BACE2: variants seen among roughly 807,000 people sequenced by gnomAD.
The protein encoded by BACE2 is 56 kDa aspartic-like protease.
Under a neutral mutation model 46.2 loss-of-function variants are expected in BACE2, and 17 were observed. The ratio of observed to expected loss-of-function variants is 0.37; its 90% CI spans 0.25 to 0.55. The LOEUF is 0.55. Ranked by LOEUF, BACE2 falls within the 20% of genes least tolerant of loss-of-function variation. The probability of loss-of-function intolerance (pLI) is 0.82; values close to 1 mark genes in which losing one functional copy is unlikely to be tolerated. For missense variants in BACE2, 595 were observed against 698.1 expected, an observed-to-expected ratio of 0.85 and a Z score of 1.66; for synonymous variants, 277 against 295.9, an observed-to-expected ratio of 0.94 and a Z score of 0.66.
At chr21:41,250,171 C>G (rs980325115) in intron 6 of BACE2, among the ~76,000 whole-genome samples, 2 of 152,086 alleles carry the variant, frequency 1.3e-5, no homozygotes, top group African/African-American at 4.8e-5. Context: ...TGGTGGTGTT[C>G]TAGTGTTACA....
At chr21:41,208,660 G>C (rs1436611848) in intron 1 of BACE2, among the ~76,000 whole-genome samples, 10 of 152,166 alleles carry the variant, frequency 6.6e-5, no homozygotes, top group Non-Finnish European at 1.5e-4. Context: ...CAGGATGGCA[G>C]GGGTACAGGG....
chr21:41,188,501 TG>T (rs1985455212), intron 1 of BACE2, among the ~76,000 whole-genome samples: 2 of 152,114 alleles, frequency 1.3e-5, no homozygotes, highest in Admixed American at 1.3e-4. Context: ...GACTTATGAA[TG>T]GAAGTCATGC....
At chr21:41,216,797 G>A (rs180909167) in intron 1 of BACE2, among the ~76,000 whole-genome samples, 2 of 152,338 alleles carry the variant, frequency 1.3e-5, no homozygotes, top group Admixed American at 6.5e-5. Flanking sequence ...CTGACCGGCC[G>A]GGTGTGGGAT....
intron 5 of BACE2, 30 bp from the exon 6 acceptor site, chr21:41,245,932 C>G (rs200427136): frequency 1.3e-6 from 2 of 1,557,614 alleles, no homozygotes; most frequent in Non-Finnish European, 1.7e-6. Flanking sequence ...CTGTCACTCA[C>G]GCACCTTTCC....
chr21:41,232,020 C>CTT (rs34868132), intron 2 of BACE2, among the ~76,000 whole-genome samples: 81 of 140,670 alleles, frequency 5.8e-4, no homozygotes, highest in Admixed American at 7.9e-4. Context: ...TGAGAATTAC[C>CTT]TTTTTTTTTT....
intron 8 of BACE2, among the ~76,000 whole-genome samples, chr21:41,275,170 G>T (rs188371694): frequency 8.5e-5 from 13 of 152,070 alleles, no homozygotes; most frequent in African/African-American, 3.1e-4. Flanking sequence ...AAAACATGCC[G>T]TCGTTCCAGT....
intron 2 of BACE2, among the ~76,000 whole-genome samples, chr21:41,234,600 T>TTC (rs1359637415): frequency 2.6e-5 from 4 of 152,248 alleles, no homozygotes; most frequent in African/African-American, 9.6e-5. Flanking sequence ...CTAGATCCTA[T>TTC]TCTCCAAGCA....
chr21:41,262,613 C>T (rs1261986211), intron 8 of BACE2, among the ~76,000 whole-genome samples: 1 of 152,094 alleles, frequency 6.6e-6, no homozygotes, highest in Non-Finnish European at 1.5e-5. Context: ...TGAGAAGAAA[C>T]CAAATCTTTA....
chr21:41,190,670 T>G (rs1731106998), intron 1 of BACE2, among the ~76,000 whole-genome samples: 1 of 152,218 alleles, frequency 6.6e-6, no homozygotes, highest in African/African-American at 2.4e-5. Flanking sequence ...CTGAAGGGTC[T>G]GGGCCATTTC....
intron 8 of BACE2, among the ~76,000 whole-genome samples, chr21:41,258,392 G>A (rs1987846545): frequency 6.6e-6 from 1 of 152,174 alleles, no homozygotes; most frequent in South Asian, 2.1e-4. Flanking sequence ...GAGATTGCTG[G>A]GCCATCCTGG....
intron 1 of BACE2, among the ~76,000 whole-genome samples, chr21:41,207,740 A>G (rs57921487): frequency 0.043 from 6,493 of 152,328 alleles, 445 homozygotes; most frequent in African/African-American, 0.14. Flanking sequence ...TCTGGCCTCC[A>G]GCCCACATCT....
intron 1 of BACE2, among the ~76,000 whole-genome samples, chr21:41,174,308 A>G (rs1272441025): frequency 6.6e-6 from 1 of 151,754 alleles, no homozygotes; most frequent in Non-Finnish European, 1.5e-5. Flanking sequence ...ACAACCAGCT[A>G]ATTTTTGTGC....
Position 41,277,756 on chromosome 21 carries a change from T to G in BACE2, c.*2132T>G, listed in dbSNP as rs1402430497. 1 of 152,248 alleles carries G rather than the reference T, an allele frequency of 6.6e-6. No individual in the cohort carries two copies. Among genetic ancestry groups the G allele is most frequent in the Non-Finnish European group, 1.5e-5 (1 of 68,056 alleles). The allele number at this position is 152,248 out of a possible 1,614,324, so 9.4% of individuals were successfully genotyped here. A position where few individuals can be genotyped will look rare whatever the true frequency, so the allele number is the denominator to read the frequency against. ...TGCAGCAGATGAACAGGCATAGTTCTTAAAATACAGGAAAGTAACAAGTGA... is the reference window on the plus strand; with the variant it reads ...TGCAGCAGATGAACAGGCATAGTTCGTAAAATACAGGAAAGTAACAAGTGA... On this transcript the variant is annotated 3_prime_UTR_variant, in exon 9 of 9. Coordinates refer to ENST00000330333, the MANE Select transcript of BACE2 (RefSeq NM_012105.5).
At chr21:41,234,847 C>T (rs1033561581) in intron 2 of BACE2, among the ~76,000 whole-genome samples, 1 of 152,206 alleles carries the variant, frequency 6.6e-6, no homozygotes, top group Non-Finnish European at 1.5e-5. Context: ...TGGTGGATCC[C>T]TTAGTGCTCT....
intron 8 of BACE2, among the ~76,000 whole-genome samples, chr21:41,258,117 G>A (rs992513297): frequency 6.6e-6 from 1 of 152,100 alleles, no homozygotes; most frequent in Non-Finnish European, 1.5e-5. Flanking sequence ...GAGAACGGCA[G>A]CCTTTCAAAA....
intron 1 of BACE2, among the ~76,000 whole-genome samples, chr21:41,221,028 C>CA (rs1310313593): frequency 5.4e-5 from 6 of 111,830 alleles, no homozygotes; most frequent in South Asian, 3.0e-4. Context: ...GACCCCATCT[C>CA]AAAAAAAAAG....
intron 1 of BACE2, chr21:41,179,420 G>A (rs776129617): frequency 7.6e-7 from 1 of 1,324,048 alleles, no homozygotes; most frequent in South Asian, 1.2e-5. Context: ...GTGAGTGAGG[G>A]TGTCAGGGTG....
intron 6 of BACE2, among the ~76,000 whole-genome samples, chr21:41,246,443 C>T (rs1261885301): frequency 2.0e-5 from 3 of 152,044 alleles, no homozygotes; most frequent in African/African-American, 7.3e-5. Flanking sequence ...ACAATACTTG[C>T]TAATATAGCT....
At chr21:41,245,671 AC>A (rs1340729108) in intron 5 of BACE2, among the ~76,000 whole-genome samples, 2 of 152,224 alleles carry the variant, frequency 1.3e-5, no homozygotes, top group Non-Finnish European at 2.9e-5. Context: ...GAACTTGGGC[AC>A]CTCTGAGTAA....
Sources: allele counts gnomAD v4.1 joint callset (sites outside exome capture counted in the v4.1 genomes callset), GRCh38; gene constraint gnomAD v4.1.1; transcripts MANE v1.5; gene names NCBI Gene and HGNC (gene_info 2026-07-23, HGNC 2026-07-21).